The following NCKAP5 variants were observed in gnomAD, a reference collection of about 807,000 sequenced individuals.
NCKAP5 encodes the protein NCK associated protein 5, also known as nck-associated protein 5.
In NCKAP5, 92 loss-of-function variants were observed where a neutral mutation model predicts 167.0. The observed-to-expected ratio is 0.55, with a 90% confidence interval of 0.47 to 0.66. The LOEUF (loss-of-function observed/expected upper bound fraction) is 0.66. Among genes scored for constraint, NCKAP5 ranks in the 30% least tolerant of loss-of-function variants. NCKAP5 has a pLI of 0.00. For missense variants in NCKAP5, 2,378 were observed against 2,315.0 expected, an observed-to-expected ratio of 1.03 and a Z score of -0.56; for synonymous variants, 891 against 877.4, an observed-to-expected ratio of 1.02 and a Z score of -0.27.
chr2:133,112,545 C>T (rs944420426), intron 6 of NCKAP5, among the ~76,000 whole-genome samples: 11 of 151,984 alleles, frequency 7.2e-5, no homozygotes, highest in Admixed American at 7.2e-4. Flanking sequence ...CCTGCAATCA[C>T]ACACACCCTC....
At chr2:133,590,662 C>T in the NCKAP5 span, among the ~76,000 whole-genome samples, 6 of 152,028 alleles carry the variant, frequency 3.9e-5, no homozygotes, top group East Asian at 3.8e-4. Flanking sequence ...GAGTTACTCA[C>T]GGGTGAATTC....
intron 3 of NCKAP5, among the ~76,000 whole-genome samples, chr2:133,505,989 T>C (rs1019909015): frequency 2.0e-5 from 3 of 152,316 alleles, no homozygotes; most frequent in East Asian, 1.9e-4. Context: ...TGTCCCACCA[T>C]TGAAGACACA....
intron 4 of NCKAP5, among the ~76,000 whole-genome samples, chr2:133,258,426 C>A (rs180697105): frequency 3.9e-5 from 6 of 152,210 alleles, no homozygotes; most frequent in Non-Finnish European, 5.9e-5. Context: ...TACAAACAGC[C>A]CCCACAATAT....
intron 5 of NCKAP5, among the ~76,000 whole-genome samples, chr2:133,170,437 G>A (rs1193563675): frequency 1.3e-5 from 2 of 152,170 alleles, no homozygotes; most frequent in African/African-American, 4.8e-5. Context: ...ATAATGGTTT[G>A]TCATCATCAT....
intron 3 of NCKAP5, among the ~76,000 whole-genome samples, chr2:133,372,197 C>A (rs534806551): frequency 6.6e-6 from 1 of 152,242 alleles, no homozygotes; most frequent in South Asian, 2.1e-4. Flanking sequence ...AGGAGGTCAA[C>A]TGTTATGGGC....
intron 6 of NCKAP5, among the ~76,000 whole-genome samples, chr2:133,101,852 T>A (rs7602362): frequency 0.021 from 3,163 of 152,224 alleles, 109 homozygotes; most frequent in African/African-American, 0.073. Context: ...AGTAAACATG[T>A]CTGACAGGGT....
At chr2:133,021,807 T>C (rs2078538868) in intron 6 of NCKAP5, among the ~76,000 whole-genome samples, 1 of 152,134 alleles carries the variant, frequency 6.6e-6, no homozygotes, top group Non-Finnish European at 1.5e-5. Flanking sequence ...ATTTTTTGTA[T>C]TTTAGTAGAG....
At chr2:132,978,106 C>T (rs1420580887) in intron 7 of NCKAP5, among the ~76,000 whole-genome samples, 1 of 152,118 alleles carries the variant, frequency 6.6e-6, no homozygotes, top group Non-Finnish European at 1.5e-5. Flanking sequence ...AAGTATGATC[C>T]TCAAAGGCAA....
chr2:133,462,823 T>C (rs1692285623), intron 3 of NCKAP5, among the ~76,000 whole-genome samples: 1 of 152,180 alleles, frequency 6.6e-6, no homozygotes, highest in Admixed American at 6.5e-5. Flanking sequence ...AGCATGAATA[T>C]GTCAATAGGC....
intron 8 of NCKAP5, among the ~76,000 whole-genome samples, chr2:132,957,773 G>A (rs145451769): frequency 1.9e-3 from 283 of 152,182 alleles, no homozygotes; most frequent in African/African-American, 6.5e-3. Context: ...TTTGCTATAG[G>A]TCATAAGACC....
intron 6 of NCKAP5, among the ~76,000 whole-genome samples, chr2:133,004,061 G>A (rs1239168822): frequency 6.6e-6 from 1 of 152,172 alleles, no homozygotes; most frequent in Admixed American, 6.5e-5. Flanking sequence ...CTCAACAGTG[G>A]CAGAATACAA....
At chr2:133,176,774 A>T (rs78496638) in intron 5 of NCKAP5, among the ~76,000 whole-genome samples, 8,823 of 152,236 alleles carry the variant, frequency 0.058, 297 homozygotes, top group African/African-American at 0.087. Flanking sequence ...AAAACTTTTT[A>T]AAAAATCTAT....
At chr2:132,772,308 C>T (rs1682145076) in intron 16 of NCKAP5, among the ~76,000 whole-genome samples, 5 of 152,112 alleles carry the variant, frequency 3.3e-5, no homozygotes, top group Admixed American at 3.3e-4. Context: ...CAAAATGTGG[C>T]TACTGTTATT....
At chr2:132,847,802 T>G (rs886563122) in intron 11 of NCKAP5, among the ~76,000 whole-genome samples, 2 of 152,200 alleles carry the variant, frequency 1.3e-5, no homozygotes, top group African/African-American at 4.8e-5. Flanking sequence ...AGAGTATATC[T>G]TACATGATTT....
chr2:132,757,990 C>G (rs79061340), intron 16 of NCKAP5, among the ~76,000 whole-genome samples: 2,922 of 152,258 alleles, frequency 0.019, 83 homozygotes, highest in African/African-American at 0.066. Context: ...ACTGCATACA[C>G]CCTAGGGATT....
intron 8 of NCKAP5, among the ~76,000 whole-genome samples, chr2:132,892,614 T>C (rs1692803060): frequency 6.6e-6 from 1 of 152,192 alleles, no homozygotes; most frequent in Non-Finnish European, 1.5e-5. Flanking sequence ...TTTTAGAAGT[T>C]AAACTATGCA....
chr2:132,942,584 G>A (rs776935003), intron 8 of NCKAP5, among the ~76,000 whole-genome samples: 1 of 152,142 alleles, frequency 6.6e-6, no homozygotes, highest in Admixed American at 6.5e-5. Context: ...ATATAATTTA[G>A]ACCTGAAAAT....
intron 3 of NCKAP5, among the ~76,000 whole-genome samples, chr2:133,447,256 G>A (rs1691255607): frequency 1.3e-5 from 2 of 152,130 alleles, no homozygotes; most frequent in Non-Finnish European, 2.9e-5. Flanking sequence ...AAACATTCAT[G>A]TGCATATCTT....
intron 3 of NCKAP5, among the ~76,000 whole-genome samples, chr2:133,304,879 A>G (rs866643246): frequency 6.6e-6 from 1 of 152,236 alleles, no homozygotes; most frequent in African/African-American, 2.4e-5. Flanking sequence ...CGTGCTATGA[A>G]GTAAACAGGT....
Sources: gnomAD v4.1 joint callset for allele counts (sites outside exome capture counted in the v4.1 genomes callset) on GRCh38, gnomAD v4.1.1 for gene constraint, MANE v1.5 for transcripts, NCBI Gene and HGNC (gene_info 2026-07-23, HGNC 2026-07-21) for gene names.